NEK1: variants seen among roughly 807,000 people sequenced by gnomAD.
The protein encoded by NEK1 is NIMA related kinase 1, also known as serine/threonine-protein kinase Nek1.
A neutral mutation model predicts 182.1 loss-of-function variants in NEK1; 137 were observed. The ratio of observed to expected loss-of-function variants is 0.75; its 90% CI spans 0.65 to 0.87. NEK1 has a LOEUF of 0.87. NEK1 is among the 40% of genes least tolerant of loss of function. The pLI is 0.00. For missense variants in NEK1, 1,391 were observed against 1,494.4 expected (o/e 0.93, Z 1.14); for synonymous variants, 513 against 492.2 (o/e 1.04, Z -0.56).
At chr4:169,590,879 G>A in intron 5 of NEK1, 70 bp from the exon 6 acceptor site, 2 of 993,952 alleles carry the variant, frequency 2.0e-6, no homozygotes, top group East Asian at 2.6e-5. Flanking sequence ...ATTTAGGGAT[G>A]AGAGGAACTA....
intron 35 of NEK1, among the ~76,000 whole-genome samples, chr4:169,398,254 A>G (rs1731044122): frequency 6.6e-6 from 1 of 151,800 alleles, no homozygotes; most frequent in Non-Finnish European, 1.5e-5. Flanking sequence ...CATGTTTTAC[A>G]GTAATAATTC....
Position 169,561,507 on chromosome 4 carries a change from TA to T in NEK1, c.1238del (p.Leu413GlnfsTer9). Reference sequence around the variant, plus strand: ...TTACTTCACCACTTCCACCAGCACTTAGCACATTTCTCCATCCTTGTTCCCT... The same window carrying T: ...TTACTTCACCACTTCCACCAGCACTTGCACATTTCTCCATCCTTGTTCCCT... ...RAREQGWRNV[L>X]SAGGSGEVKA... On this transcript the variant is annotated frameshift_variant, in exon 16 of 36. Transcript: ENST00000507142. LOFTEE classifies it high-confidence loss of function. The T allele has an allele frequency of 6.2e-7, 1 of 1,613,602 alleles. No homozygotes were observed. Among genetic ancestry groups the T allele is most frequent in the Non-Finnish European group, 8.5e-7 (1 of 1,179,672 alleles).
At chr4:169,602,755 A>G (rs1172052994) in intron 2 of NEK1, 77 bp from the exon 3 acceptor site, 1 of 576,580 alleles carries the variant, frequency 1.7e-6, no homozygotes, top group African/African-American at 1.9e-5. Flanking sequence ...TTTAATTCAA[A>G]TTCTAATTCT....
chr4:169,561,843 GTTTC>G lies in NEK1; in HGVS notation c.1125_1128del (p.Lys375AsnfsTer9), dbSNP rs1762959141. 7.5e-6 allele frequency: 12 copies of G among 1,609,594 alleles called. No homozygotes were observed. Among genetic ancestry groups the G allele is most frequent in the Non-Finnish European group, 1.0e-5 (12 of 1,178,328 alleles). ...GAGCAAAAAACTACCTGATCCTTTT[GTTTC>G]TTTTCTTTTTCAATAAATTCCAGCC... On this transcript the variant is annotated frameshift_variant, in exon 14 of 36. Coordinates refer to ENST00000507142, the MANE Select transcript of NEK1 (RefSeq NM_001199397.3). LOFTEE classifies it high-confidence loss of function.
chr4:169,594,903 A>G (rs1462606341), intron 5 of NEK1, among the ~76,000 whole-genome samples: 1 of 152,160 alleles, frequency 6.6e-6, no homozygotes, highest in East Asian at 1.9e-4. Context: ...AACATTCATC[A>G]AGCCCTTATC....
At chr4:169,434,009 A>C (rs1313981320) in intron 28 of NEK1, among the ~76,000 whole-genome samples, 1 of 152,156 alleles carries the variant, frequency 6.6e-6, no homozygotes, top group Admixed American at 6.5e-5. Flanking sequence ...AGTTTAAAGA[A>C]TAAAGATATT....
At chr4:169,416,175 C>T (rs1219047863) in intron 31 of NEK1, among the ~76,000 whole-genome samples, 2 of 152,202 alleles carry the variant, frequency 1.3e-5, no homozygotes, top group Non-Finnish European at 2.9e-5. Flanking sequence ...ATGTCTCAAA[C>T]ACACTGTGCT....
chr4:169,532,288 G>T (rs1030621548), intron 19 of NEK1, among the ~76,000 whole-genome samples: 1 of 152,160 alleles, frequency 6.6e-6, no homozygotes, highest in African/African-American at 2.4e-5. Flanking sequence ...TTGTATGGTA[G>T]CCTGGGTTAC....
At chr4:169,574,240 A>C (rs1221729830) in intron 12 of NEK1, among the ~76,000 whole-genome samples, 1 of 152,154 alleles carries the variant, frequency 6.6e-6, no homozygotes, top group Non-Finnish European at 1.5e-5. Flanking sequence ...TTATACTAAA[A>C]CTGTAAAGAA....
chr4:169,599,228 T>A, intron 4 of NEK1, 31 bp from the exon 5 acceptor site: 1 of 1,474,672 alleles, frequency 6.8e-7, no homozygotes, highest in Non-Finnish European at 9.4e-7. Flanking sequence ...AGTCCACTTT[T>A]AAAAACGTAC....
chr4:169,568,558 T>TAA (rs1179476851), intron 12 of NEK1, among the ~76,000 whole-genome samples: 1 of 152,076 alleles, frequency 6.6e-6, no homozygotes, highest in Non-Finnish European at 1.5e-5. Flanking sequence ...AAAGTATATA[T>TAA]AACACTAAGT....
rs35743529 is a variant in NEK1 at position 169,400,920 on chromosome 4, T to TA, written c.3584-270dup. On this transcript the variant is annotated intron_variant, in intron 33 of 35. Coordinates refer to ENST00000507142, the MANE Select transcript of NEK1 (RefSeq NM_001199397.3). ...AACACTCCTAGAGATGTTACTTAAA[T>TA]AAAAAAAAAAAAGTGGAAAAAGCAC... is the stretch of plus-strand genomic sequence containing the variant. 0.56 allele frequency among the ~76,000 whole-genome samples: 81,941 copies of TA among 146,402 alleles called. 22,741 individuals carry two copies. The highest frequency in any genetic ancestry group is 0.75 in the East Asian group (3,826 of 5,082).
intron 31 of NEK1, among the ~76,000 whole-genome samples, chr4:169,420,800 A>C (rs1735362873): frequency 6.6e-6 from 1 of 152,230 alleles, no homozygotes. Context: ...AAAAGTAAAA[A>C]GGGAACAAAA....
intron 29 of NEK1, among the ~76,000 whole-genome samples, chr4:169,432,549 C>T (rs905883233): frequency 7.2e-5 from 11 of 151,950 alleles, no homozygotes; most frequent in African/African-American, 2.2e-4. Context: ...AAAGAAAGCC[C>T]TTCATGTATT....
intron 2 of NEK1, among the ~76,000 whole-genome samples, chr4:169,607,507 G>C (rs549778482): frequency 6.6e-6 from 1 of 151,794 alleles, no homozygotes; most frequent in South Asian, 2.1e-4. Context: ...CTGTTGCCCA[G>C]GCTGGAGTGC....
At chr4:169,419,178 G>C in intron 31 of NEK1, among the ~76,000 whole-genome samples, 1 of 151,980 alleles carries the variant, frequency 6.6e-6, no homozygotes, top group East Asian at 1.9e-4. Context: ...AACTGTAAAA[G>C]AAGCCAGAGA....
chr4:169,465,199 T>C (rs536568976), intron 26 of NEK1, among the ~76,000 whole-genome samples: 11 of 152,104 alleles, frequency 7.2e-5, no homozygotes, highest in African/African-American at 2.6e-4. Flanking sequence ...AACCCAGAAA[T>C]AGACCCATAA....
In NEK1 at chr4:169,424,789, T is replaced by C. The variant is rs1269724789; in HGVS notation, c.2986A>G (p.Asn996Asp). The change falls in exon 31 of 36, where the codon AAT (asparagine) becomes GAT (aspartate). Residue 996 changes from asparagine to aspartate, a missense_variant. Physicochemically the swap from Asn to Asp is conservative, Grantham distance 23. This residue lies in a region of NEK1 where 1,216 missense variants were observed against 1,277.6 expected (regional missense o/e 0.95). Coordinates refer to ENST00000507142, the MANE Select transcript of NEK1 (RefSeq NM_001199397.3). ...TCACATTTAGAGTGCTGAGAATCAT[T>C]GGTTCCAGGCTCTGTGGTAGAAAGG... ...LSDIHIEPGT[N>D]DSQHSKCDVD... The C allele has an allele frequency of 1.2e-6, 2 of 1,607,556 alleles. No individual in the cohort carries two copies. Among genetic ancestry groups the C allele is most frequent in the Admixed American group, 1.7e-5 (1 of 59,888 alleles).
chr4:169,442,767 C>G (rs1489753128), intron 27 of NEK1, among the ~76,000 whole-genome samples: 1 of 152,178 alleles, frequency 6.6e-6, no homozygotes, highest in African/African-American at 2.4e-5. Flanking sequence ...GATGCTATGA[C>G]TCACAAATGT....
Sources: gnomAD v4.1 joint callset for allele counts (sites outside exome capture counted in the v4.1 genomes callset) on GRCh38, gnomAD v4.1.1 for gene constraint, gnomAD v4.1.1 regional missense constraint, MANE v1.5 for transcripts, NCBI Gene and HGNC (gene_info 2026-07-23, HGNC 2026-07-21) for gene names.